XKR9: variants seen among roughly 807,000 people sequenced by gnomAD.
XKR9 encodes the protein XK related 9, also known as XK-related protein 9.
Under a neutral mutation model 32.0 loss-of-function variants are expected in XKR9, and 32 were observed. The observed-to-expected ratio is 1.00, with a 90% CI of 0.76 to 1.34. XKR9 has a LOEUF of 1.34. Ranked by LOEUF, XKR9 falls within the 40% of genes most tolerant of loss-of-function variation. The pLI is 0.00. For synonymous variants in XKR9, 168 were observed against 143.4 expected, an observed-to-expected ratio of 1.17 and a Z score of -1.22; for missense variants, 546 against 429.7, an observed-to-expected ratio of 1.27 and a Z score of -2.39.
At chr8:70,765,115 G>C (rs753948705) in intron 2 of XKR9, among the ~76,000 whole-genome samples, 1 of 152,062 alleles carries the variant, frequency 6.6e-6, no homozygotes, top group Non-Finnish European at 1.5e-5. Flanking sequence ...CCCAGTAATG[G>C]GATTGCTGGG....
the XKR9 span, among the ~76,000 whole-genome samples, chr8:70,872,336 G>A: frequency 6.6e-6 from 1 of 152,182 alleles, no homozygotes. Context: ...ATGAAGCTGA[G>A]AGAGCTAATA....
the XKR9 span, among the ~76,000 whole-genome samples, chr8:70,986,679 G>T: frequency 6.6e-6 from 1 of 152,172 alleles, no homozygotes; most frequent in Non-Finnish European, 1.5e-5. Context: ...GCAAAACACT[G>T]GGCTTCATCT....
the XKR9 span, among the ~76,000 whole-genome samples, chr8:71,039,493 GT>G: frequency 6.6e-6 from 1 of 152,098 alleles, no homozygotes; most frequent in Non-Finnish European, 1.5e-5. Context: ...TCTTAAGTAT[GT>G]TTTCTAATGA....
At chr8:70,839,212 C>T in the XKR9 span, among the ~76,000 whole-genome samples, 1 of 152,016 alleles carries the variant, frequency 6.6e-6, no homozygotes, top group African/African-American at 2.4e-5. Flanking sequence ...ATTTTAAGGT[C>T]CTAAAACCCA....
At chr8:70,719,771 T>C (rs1436419545) in intron 4 of XKR9, among the ~76,000 whole-genome samples, 2 of 152,206 alleles carry the variant, frequency 1.3e-5, no homozygotes, top group Non-Finnish European at 2.9e-5. Flanking sequence ...GTCTTGGCTA[T>C]ATGGGCTTTT....
At chr8:70,801,585 T>C in the XKR9 span, among the ~76,000 whole-genome samples, 7 of 152,166 alleles carry the variant, frequency 4.6e-5, no homozygotes, top group African/African-American at 7.2e-5. Context: ...TGGCTGATTG[T>C]GTGGTTGGTT....
chr8:70,732,489 G>A (rs1444602297), intron 4 of XKR9, among the ~76,000 whole-genome samples: 1 of 152,200 alleles, frequency 6.6e-6, no homozygotes, highest in East Asian at 1.9e-4. Flanking sequence ...CCAGAGTGGG[G>A]CTACTGAACC....
chr8:70,994,010 T>A, the XKR9 span, among the ~76,000 whole-genome samples: 2 of 152,196 alleles, frequency 1.3e-5, no homozygotes, highest in Non-Finnish European at 2.9e-5. Context: ...TATTTTTGTT[T>A]TCTTCACAGA....
rs528086568 is a variant in XKR9, at chr8:70,766,612, G to C, written n.353-22727G>C. ...TTTCTTTCTCTTGCCTGATTGCCCTGGCCAGAACTTCCAATACTATGTTTA... is the reference window on the plus strand; with the variant it reads ...TTTCTTTCTCTTGCCTGATTGCCCTCGCCAGAACTTCCAATACTATGTTTA... On this transcript the variant is annotated intron_variant and non_coding_transcript_variant, in intron 2 of 3. Coordinates refer to the XKR9 transcript ENST00000520273. Among the ~76,000 whole-genome samples, 11 of 152,200 alleles carry C rather than the reference G, an allele frequency of 7.2e-5. No individual in the cohort carries two copies. The East Asian group carries it at 1.7e-3, about 24-fold the overall frequency.
downstream of XKR9, among the ~76,000 whole-genome samples, chr8:70,740,204 T>G (rs993987898): frequency 1.6e-4 from 24 of 152,306 alleles, no homozygotes; most frequent in African/African-American, 5.5e-4. Context: ...CCTTCTCGCT[T>G]CATTTCATTC....
At chr8:70,825,356 C>T in the XKR9 span, among the ~76,000 whole-genome samples, 21 of 152,144 alleles carry the variant, frequency 1.4e-4, no homozygotes, top group African/African-American at 5.1e-4. Flanking sequence ...TTCTCTGAGT[C>T]CCATTGCTTA....
intron 3 of XKR9, among the ~76,000 whole-genome samples, chr8:70,686,402 C>T (rs1483400362): frequency 8.0e-6 from 1 of 125,354 alleles, no homozygotes. Context: ...GCCACCACAC[C>T]GAGATAGCTA....
the XKR9 span, among the ~76,000 whole-genome samples, chr8:70,797,191 A>T: frequency 1.5e-4 from 23 of 152,226 alleles, no homozygotes; most frequent in Admixed American, 3.3e-4. Flanking sequence ...ATGAGGTAAC[A>T]GTCAGAGTGA....
At chr8:71,001,845 G>A in the XKR9 span, among the ~76,000 whole-genome samples, 1 of 152,080 alleles carries the variant, frequency 6.6e-6, no homozygotes, top group Non-Finnish European at 1.5e-5. Context: ...AACAGAAGAA[G>A]GACTTCTAGA....
At chr8:70,938,235 AGAG>A in the XKR9 span, among the ~76,000 whole-genome samples, 1 of 151,838 alleles carries the variant, frequency 6.6e-6, no homozygotes, top group African/African-American at 2.4e-5. Flanking sequence ...CATAAGCAAA[AGAG>A]TGAGTGTGTG....
chr8:70,778,028 C>A (rs540627965), intron 2 of XKR9, among the ~76,000 whole-genome samples: 1 of 152,274 alleles, frequency 6.6e-6, no homozygotes, highest in African/African-American at 2.4e-5. Context: ...AGTCCTTGCC[C>A]ATGCCTATGT....
chr8:70,982,207 G>C, the XKR9 span, among the ~76,000 whole-genome samples: 2 of 152,222 alleles, frequency 1.3e-5, no homozygotes, highest in Non-Finnish European at 2.9e-5. Flanking sequence ...GCCTCGTTAA[G>C]TATTCAGGTT....
At chr8:71,037,120 G>C in the XKR9 span, among the ~76,000 whole-genome samples, 2 of 151,936 alleles carry the variant, frequency 1.3e-5, no homozygotes, top group Non-Finnish European at 1.5e-5. Context: ...AATCTTATTT[G>C]CTTTGTCTTA....
intron 2 of XKR9, among the ~76,000 whole-genome samples, chr8:70,770,618 G>A (rs1807441172): frequency 6.6e-6 from 1 of 152,230 alleles, no homozygotes; most frequent in South Asian, 2.1e-4. Context: ...TGCCCAGAGA[G>A]GAGGAATCTA....
Sources: allele counts gnomAD v4.1 joint callset (sites outside exome capture counted in the v4.1 genomes callset), GRCh38; gene constraint gnomAD v4.1.1; transcripts MANE v1.5; gene names NCBI Gene and HGNC (gene_info 2026-07-23, HGNC 2026-07-21).